Variants in GUCY1A2 observed in about 807,000 individuals in gnomAD.
GUCY1A2 encodes the protein guanylate cyclase soluble subunit alpha-2.
Under a neutral mutation model 63.5 loss-of-function variants are expected in GUCY1A2, and 27 were observed. That is an observed-to-expected ratio of 0.43 (90% CI 0.31 to 0.59). The LOEUF is 0.59. Ranked by LOEUF, GUCY1A2 falls within the 20% of genes least tolerant of loss-of-function variation. The pLI is 0.11. For synonymous variants in GUCY1A2, 364 were observed against 343.5 expected (o/e 1.06, Z -0.66); for missense variants, 768 against 913.3 (o/e 0.84, Z 2.05).
intron 6 of GUCY1A2, among the ~76,000 whole-genome samples, chr11:106,773,882 T>C (rs1183497100): frequency 6.6e-6 from 1 of 152,196 alleles, no homozygotes; most frequent in African/African-American, 2.4e-5. Context: ...TCTAAACTTT[T>C]ATTTTATGAT....
intron 5 of GUCY1A2, among the ~76,000 whole-genome samples, chr11:106,781,323 GAT>G (rs2135406019): frequency 6.6e-6 from 1 of 152,240 alleles, no homozygotes; most frequent in East Asian, 1.9e-4. Context: ...ATGGGGAAAA[GAT>G]AATGCTTATG....
intron 6 of GUCY1A2, among the ~76,000 whole-genome samples, chr11:106,764,972 G>GGT (rs368267352): frequency 9.9e-6 from 1 of 101,000 alleles, no homozygotes; most frequent in Non-Finnish European, 2.1e-5. Flanking sequence ...GATTTTTTTG[G>GGT]GGGGGGGTTG....
chr11:106,872,571 A>C lies in GUCY1A2; in HGVS notation c.1207-62093T>G, dbSNP rs139040990. On this transcript the variant is annotated intron_variant, in intron 4 of 7. Transcript: ENST00000526355. ...ATAAAAGAGATTTATACTAATTTTAATTTAAGGAGTTGAGAATAGGACCAG... is the reference window on the plus strand; with the variant it reads ...ATAAAAGAGATTTATACTAATTTTACTTTAAGGAGTTGAGAATAGGACCAG... Among the ~76,000 whole-genome samples the C allele has an allele frequency of 6.6e-5, 10 of 152,312 alleles. No individual in the cohort carries two copies. The East Asian group carries it at 1.9e-3, about 29-fold the overall frequency.
chr11:106,848,117 A>G (rs1169393799), intron 4 of GUCY1A2, among the ~76,000 whole-genome samples: 2 of 151,560 alleles, frequency 1.3e-5, no homozygotes, highest in Non-Finnish European at 1.5e-5. Flanking sequence ...TCTACCAATC[A>G]TAACAGAGAA....
intron 4 of GUCY1A2, among the ~76,000 whole-genome samples, chr11:106,919,130 C>T (rs1041195064): frequency 7.9e-5 from 12 of 151,910 alleles, no homozygotes; most frequent in African/African-American, 2.7e-4. Context: ...GTCAAATCAC[C>T]GGACAAAAAA....
In GUCY1A2 at chr11:106,885,978, AAG is replaced by A. The variant is rs553383713; in HGVS notation, c.1206+53480_1206+53481del. ...ACAGAGAGAGACAAAGAAAGAGAAAAAGAGAGAGAGATTTTCTGCATTGAATT... is the reference window on the plus strand; with the variant it reads ...ACAGAGAGAGACAAAGAAAGAGAAAAAGAGAGAGATTTTCTGCATTGAATT... On this transcript the variant is annotated intron_variant, in intron 4 of 7. Transcript: ENST00000526355. 2.0e-5 allele frequency among the ~76,000 whole-genome samples: 3 copies of A among 152,208 alleles called. No homozygotes were observed. In the South Asian group the frequency reaches 6.2e-4, roughly 32 times the overall value.
intron 6 of GUCY1A2, among the ~76,000 whole-genome samples, chr11:106,709,414 GTATATAT>G (rs1863000877): frequency 1.2e-5 from 1 of 83,384 alleles, no homozygotes; most frequent in Non-Finnish European, 2.1e-5. Context: ...ATTATACTAT[GTATATAT>G]TATATATAAG....
intron 5 of GUCY1A2, among the ~76,000 whole-genome samples, chr11:106,782,832 C>T (rs537630708): frequency 6.6e-6 from 1 of 152,290 alleles, no homozygotes; most frequent in South Asian, 2.1e-4. Context: ...GCAGGAAAAA[C>T]TATGGTCTTG....
intron 4 of GUCY1A2, among the ~76,000 whole-genome samples, chr11:106,842,784 T>C (rs954398054): frequency 1.3e-5 from 2 of 151,892 alleles, no homozygotes; most frequent in African/African-American, 4.8e-5. Flanking sequence ...GATTTTGATT[T>C]AGTAGGTCCC....
At chr11:106,769,658 C>T (rs149838722) in intron 6 of GUCY1A2, among the ~76,000 whole-genome samples, 1,970 of 152,114 alleles carry the variant, frequency 0.013, 26 homozygotes, top group South Asian at 0.05. Flanking sequence ...TAACATTATA[C>T]GGTATTTTTC....
At chr11:106,710,409 A>G (rs984657203) in intron 6 of GUCY1A2, among the ~76,000 whole-genome samples, 2 of 137,162 alleles carry the variant, frequency 1.5e-5, no homozygotes, top group African/African-American at 5.4e-5. Context: ...TATTATATAC[A>G]TGTATATAGT....
chr11:106,767,590 A>T (rs1184877779), intron 6 of GUCY1A2, among the ~76,000 whole-genome samples: 1 of 152,138 alleles, frequency 6.6e-6, no homozygotes, highest in East Asian at 1.9e-4. Context: ...ATGATTACAG[A>T]TAAAAGCTAA....
Position 106,814,632 on chromosome 11 carries a change from C to T in GUCY1A2, c.1207-4154G>A, listed in dbSNP as rs553654796. Among the ~76,000 whole-genome samples, 24 of 152,176 alleles carry T rather than the reference C, an allele frequency of 1.6e-4. No individual in the cohort carries two copies. The South Asian group carries it at 2.9e-3, about 18-fold the overall frequency. On this transcript the variant is annotated intron_variant, in intron 4 of 7. Transcript: ENST00000526355. Reference sequence around the variant, plus strand: ...CATAAGGATATCTGACCTGGAGAAGCTTGCTCTGCACCCTCAAGCAGCATT... The same window carrying T: ...CATAAGGATATCTGACCTGGAGAAGTTTGCTCTGCACCCTCAAGCAGCATT...
At chr11:106,731,955 T>C (rs1038302279) in intron 6 of GUCY1A2, among the ~76,000 whole-genome samples, 1 of 152,170 alleles carries the variant, frequency 6.6e-6, no homozygotes, top group African/African-American at 2.4e-5. Context: ...ATCAATATTG[T>C]TAAAATAGCC....
chr11:107,000,147 T>A (rs1002656744), intron 1 of GUCY1A2, among the ~76,000 whole-genome samples: 7 of 152,138 alleles, frequency 4.6e-5, no homozygotes, highest in African/African-American at 1.4e-4. Flanking sequence ...GAGAAAAAAA[T>A]TTAATTCAGA....
chr11:106,941,955 T>C (rs548792296), intron 3 of GUCY1A2, among the ~76,000 whole-genome samples: 1 of 152,318 alleles, frequency 6.6e-6, no homozygotes, highest in South Asian at 2.1e-4. Context: ...GATAAAAATA[T>C]CACCACTCAT....
chr11:106,699,300 ACTTTTT>A (rs1862776804), intron 7 of GUCY1A2, among the ~76,000 whole-genome samples: 1 of 152,200 alleles, frequency 6.6e-6, no homozygotes, highest in Non-Finnish European at 1.5e-5. Context: ...GTAAGGAGTG[ACTTTTT>A]CTTTTGCTTT....
At chr11:106,839,984 T>C (rs955078290) in intron 4 of GUCY1A2, among the ~76,000 whole-genome samples, 3 of 152,000 alleles carry the variant, frequency 2.0e-5, no homozygotes, top group Admixed American at 6.6e-5. Context: ...GTTGTGCACA[T>C]GTACCCTAAG....
intron 5 of GUCY1A2, among the ~76,000 whole-genome samples, chr11:106,785,866 C>T (rs969173208): frequency 3.8e-5 from 4 of 106,102 alleles, no homozygotes; most frequent in South Asian, 3.2e-4. Flanking sequence ...ATATTCACCC[C>T]GATATCCACC....
Sources: gnomAD v4.1 joint callset for allele counts (sites outside exome capture counted in the v4.1 genomes callset) on GRCh38, gnomAD v4.1.1 for gene constraint, MANE v1.5 for transcripts, NCBI Gene and HGNC (gene_info 2026-07-23, HGNC 2026-07-21) for gene names.